The following NTNG2 variants were observed in gnomAD, a reference collection of about 807,000 sequenced individuals.
The protein encoded by NTNG2 is netrin G2.
NTNG2 carries 15 observed loss-of-function variants against 47.6 expected under a neutral mutation model. That is an observed-to-expected ratio of 0.32 (90% confidence interval 0.21 to 0.49). The LOEUF (loss-of-function observed/expected upper bound fraction) is 0.49, where lower values mean the gene tolerates loss of function less well. Ranked by LOEUF, NTNG2 falls within the 20% of genes least tolerant of loss-of-function variation. The pLI is 0.99. For synonymous variants in NTNG2, 307 were observed against 324.6 expected (o/e 0.95, Z 0.58); for missense variants, 578 against 764.6 (o/e 0.76, Z 2.88).
At chr9:132,237,883 G>T (rs1841739911) in intron 5 of NTNG2, among the ~76,000 whole-genome samples, 1 of 152,228 alleles carries the variant, frequency 6.6e-6, no homozygotes, top group African/African-American at 2.4e-5. Flanking sequence ...ACACTTAGAG[G>T]ATGCCTCATC....
chr9:132,175,336 A>G (rs6597551), intron 2 of NTNG2, among the ~76,000 whole-genome samples: 76,968 of 152,080 alleles, frequency 0.51, 21,141 homozygotes, highest in African/African-American at 0.73. Flanking sequence ...ATTAGGCCAC[A>G]GGCTCTGAAG....
chr9:132,221,842 G>A lies in NTNG2; in HGVS notation c.858-5007G>A, dbSNP rs1840371028. On this transcript the variant is annotated intron_variant, in intron 3 of 7. Transcript: ENST00000393229. This position sits in a 1 kb window ranked among gnomAD's most constrained non-coding sequence, Gnocchi z 4.2. Reference sequence around the variant, plus strand: ...CTACCTATTATCACTGTTACAATATGCTTCTTGGATTCGGCCGGTCTTCTA... The same window carrying A: ...CTACCTATTATCACTGTTACAATATACTTCTTGGATTCGGCCGGTCTTCTA... Among the ~76,000 whole-genome samples the A allele has an allele frequency of 6.6e-6, 1 of 152,218 alleles. No individual in the cohort carries two copies. The highest frequency in any genetic ancestry group is 1.5e-5 in the Non-Finnish European group (1 of 68,038).
At chr9:132,195,481 T>C (rs1251084884) in intron 2 of NTNG2, among the ~76,000 whole-genome samples, 1 of 144,848 alleles carries the variant, frequency 6.9e-6, no homozygotes, top group East Asian at 2.0e-4. Context: ...GCTATTTTTT[T>C]TTTTTTTTTT....
chr9:132,217,204 G>A (rs1191497252), intron 3 of NTNG2, among the ~76,000 whole-genome samples: 1 of 152,228 alleles, frequency 6.6e-6, no homozygotes, highest in Non-Finnish European at 1.5e-5. Context: ...AATGCATGGC[G>A]TCTGTCCACG....
intron 2 of NTNG2, among the ~76,000 whole-genome samples, chr9:132,193,950 C>T (rs551273844): frequency 6.6e-6 from 1 of 152,274 alleles, no homozygotes; most frequent in African/African-American, 2.4e-5. Context: ...TGGGCCCCAG[C>T]GTCTCATCCG....
rs1169179811 is a variant in NTNG2 at position 132,241,915 on chromosome 9, G to C, written c.1397G>C (p.Gly466Ala). 6.3e-7 allele frequency: 1 copy of C among 1,577,384 alleles called. No homozygotes were observed. The highest frequency in any genetic ancestry group is 8.6e-7 in the Non-Finnish European group (1 of 1,168,500). ...GACGACCAGCTGCTGTGCCAGAACG[G>C]AGGCACCTGCCTGCAGAACCAGCGC... ...CDDDQLLCQN[G>A]GTCLQNQRCA... The change falls in exon 8 of 8, where the codon GGA becomes GCA. Residue 466 changes from glycine to alanine, a missense_variant. By Grantham distance (60) the Gly-to-Ala change is moderately conservative. Transcript: ENST00000393229.
intron 3 of NTNG2, among the ~76,000 whole-genome samples, chr9:132,225,260 T>G (rs1840668853): frequency 4.7e-5 from 7 of 150,290 alleles, no homozygotes; most frequent in African/African-American, 1.7e-4. Context: ...TTTTGTTTGT[T>G]TTTGTTTTGT....
rs1472146354 is a variant in NTNG2, at chr9:132,167,024, C to A, written c.193C>A (p.Pro65Thr). ...CTCAGGCATCACATGTGGAGACCCCCCTGAGAGGTTCTGCTCCCATGTAAG... is the reference window on the plus strand; with the variant it reads ...CTCAGGCATCACATGTGGAGACCCCACTGAGAGGTTCTGCTCCCATGTAAG... ...EPSGITCGDP[P>T]ERFCSHENPY... is the part of the protein sequence containing the mutation. Residue 65 changes from proline to threonine, a missense_variant, in exon 2 of 8, where the codon CCT becomes ACT. Coordinates refer to ENST00000393229, the MANE Select transcript of NTNG2 (RefSeq NM_032536.4). 2 of 1,614,194 alleles carry A rather than the reference C, an allele frequency of 1.2e-6. No individual in the cohort carries two copies. The highest frequency in any genetic ancestry group is 4.5e-5 in the East Asian group (2 of 44,878).
chr9:132,228,558 C>CTTTTTTTTTTTTTTTTT (rs56250915), intron 4 of NTNG2, among the ~76,000 whole-genome samples: 1 of 145,216 alleles, frequency 6.9e-6, no homozygotes, highest in Non-Finnish European at 1.5e-5. Context: ...TCACACCCTC[C>CTTTTTTTTTTTTTTTTT]TTTTTTTTTT....
intron 2 of NTNG2, among the ~76,000 whole-genome samples, chr9:132,193,348 T>A (rs1838037743): frequency 6.6e-6 from 1 of 152,146 alleles, no homozygotes; most frequent in Non-Finnish European, 1.5e-5. Flanking sequence ...CTGTCCCCAA[T>A]AAGCACATTA....
chr9:132,167,130 G>C, intron 2 of NTNG2, 86 bp downstream of exon 2: 2 of 1,427,146 alleles, frequency 1.4e-6, no homozygotes, highest in Non-Finnish European at 1.9e-6. Context: ...AGCAGAGCTG[G>C]AGGACTGAGA....
chr9:132,223,270 C>T lies in NTNG2; in HGVS notation c.858-3579C>T, dbSNP rs367904644. Among the ~76,000 whole-genome samples, 1,098 of 152,282 alleles carry T rather than the reference C, an allele frequency of 7.2e-3. 20 individuals are homozygous for T. The highest frequency in any genetic ancestry group is 0.025 in the African/African-American group (1,025 of 41,564). On this transcript the variant is annotated intron_variant, in intron 3 of 7. Transcript: ENST00000393229. The stretch of plus-strand genomic sequence containing the variant: ...AGCTGGAAGCCCCAGGGCTGGTGGA[C>T]GCAGGGGCCGCTGTTTCCCCACCCA...
intron 2 of NTNG2, among the ~76,000 whole-genome samples, chr9:132,173,741 G>A (rs61700834): frequency 2.7e-5 from 4 of 150,518 alleles, no homozygotes; most frequent in African/African-American, 9.8e-5. Flanking sequence ...CCATGCTGCG[G>A]ATGAGATGGA....
At chr9:132,211,194 G>C (rs1005857189) in intron 3 of NTNG2, among the ~76,000 whole-genome samples, 7 of 152,106 alleles carry the variant, frequency 4.6e-5, no homozygotes, top group Non-Finnish European at 1.0e-4. Flanking sequence ...TGGGTTCCTG[G>C]AGGCCTCTTT....
At chr9:132,212,678 C>A (rs1352783500) in intron 3 of NTNG2, among the ~76,000 whole-genome samples, 1 of 152,134 alleles carries the variant, frequency 6.6e-6, no homozygotes, top group Non-Finnish European at 1.5e-5. Context: ...CCCAAACAGT[C>A]CCAAGTTCTC....
Position 132,226,893 on chromosome 9 carries a change from G to A in NTNG2, c.902G>A (p.Gly301Asp). 1.2e-6 allele frequency: 2 copies of A among 1,611,812 alleles called. No homozygotes were observed. Among genetic ancestry groups the A allele is most frequent in the Non-Finnish European group, 1.7e-6 (2 of 1,179,286 alleles). Residue 301 changes from glycine to aspartate, a missense_variant, in exon 4 of 8, where the codon GGC becomes GAC. Physicochemically the swap from Gly to Asp is moderately conservative, Grantham distance 94. Coordinates refer to ENST00000393229, the MANE Select transcript of NTNG2 (RefSeq NM_032536.4). This position sits in a 1 kb window ranked among gnomAD's most constrained non-coding sequence, Gnocchi z 4.8. The part of the protein sequence containing the change: ...LHANLCSMRE[G>D]SLQCECEHNT... Reference sequence around the variant, plus strand: ...GCCAACCTGTGCTCCATGCGCGAGGGCAGCCTGCAGTGCGAGTGCGAGCAC... The same window carrying A: ...GCCAACCTGTGCTCCATGCGCGAGGACAGCCTGCAGTGCGAGTGCGAGCAC...
intron 2 of NTNG2, among the ~76,000 whole-genome samples, chr9:132,190,185 A>G (rs1477009981): frequency 7.0e-6 from 1 of 142,484 alleles, no homozygotes. Flanking sequence ...GTGACCCGAG[A>G]TAGCGCCACT....
At chr9:132,229,696 G>T (rs1404609924) in intron 4 of NTNG2, among the ~76,000 whole-genome samples, 2 of 152,204 alleles carry the variant, frequency 1.3e-5, no homozygotes, top group African/African-American at 4.8e-5. Context: ...GTGGGGATGG[G>T]CTTGTCCTCC....
chr9:132,168,381 G>A (rs186879516), intron 2 of NTNG2, among the ~76,000 whole-genome samples: 52 of 152,336 alleles, frequency 3.4e-4, no homozygotes, highest in African/African-American at 1.2e-3. Context: ...GGTTTGTGGT[G>A]GGGCTGACCC....
Sources: allele counts gnomAD v4.1 joint callset (sites outside exome capture counted in the v4.1 genomes callset), GRCh38; gene constraint gnomAD v4.1.1; non-coding constraint Gnocchi (gnomAD v3.1); transcripts MANE v1.5; gene names NCBI Gene and HGNC (gene_info 2026-07-23, HGNC 2026-07-21).